ERBB4: variants seen among roughly 807,000 people sequenced by gnomAD.
The protein encoded by ERBB4 is erb-b2 receptor tyrosine kinase 4.
Under a neutral mutation model 158.0 loss-of-function variants are expected in ERBB4, and 42 were observed. The observed-to-expected ratio is 0.27, with a 90% confidence interval of 0.21 to 0.34. ERBB4 has a LOEUF of 0.34. Among genes scored for constraint, ERBB4 ranks in the 10% least tolerant of loss-of-function variants. ERBB4 has a pLI of 1.00. For missense variants in ERBB4, 1,333 were observed against 1,624.1 expected, an observed-to-expected ratio of 0.82 and a Z score of 3.08; for synonymous variants, 583 against 558.7, an observed-to-expected ratio of 1.04 and a Z score of -0.61.
chr2:211,929,181 G>T (rs909735578), intron 3 of ERBB4, among the ~76,000 whole-genome samples: 15 of 151,532 alleles, frequency 9.9e-5, no homozygotes, highest in Admixed American at 2.0e-4. Context: ...GCTGACTGTG[G>T]CAGGTATCTC....
chr2:212,045,162 C>T (rs992381932), intron 2 of ERBB4, among the ~76,000 whole-genome samples: 25 of 152,244 alleles, frequency 1.6e-4, no homozygotes, highest in African/African-American at 5.5e-4. Flanking sequence ...AAATATACTA[C>T]GTGAGAATAA....
intron 1 of ERBB4, among the ~76,000 whole-genome samples, chr2:212,459,187 C>A (rs1199653094): frequency 6.6e-6 from 1 of 151,878 alleles, no homozygotes; most frequent in Non-Finnish European, 1.5e-5. Flanking sequence ...TTAGTTTGTA[C>A]TCTTTGAGTT....
intron 1 of ERBB4, among the ~76,000 whole-genome samples, chr2:212,386,942 A>G (rs968787655): frequency 6.6e-6 from 1 of 152,108 alleles, no homozygotes; most frequent in African/African-American, 2.4e-5. Flanking sequence ...CATGGCTATA[A>G]TAGGTTCTTA....
intron 16 of ERBB4, among the ~76,000 whole-genome samples, chr2:211,643,166 T>C (rs1423419868): frequency 6.6e-6 from 1 of 152,104 alleles, no homozygotes; most frequent in East Asian, 1.9e-4. Context: ...CCTCAGTCTC[T>C]CTGCATCTTG....
intron 5 of ERBB4, among the ~76,000 whole-genome samples, chr2:211,740,260 T>C (rs1330622009): frequency 6.6e-6 from 1 of 152,152 alleles, no homozygotes; most frequent in African/African-American, 2.4e-5. Flanking sequence ...TTCAGTGAGA[T>C]AGTAATATAT....
intron 7 of ERBB4, among the ~76,000 whole-genome samples, chr2:211,716,720 C>A (rs200745888): frequency 0.02 from 2,977 of 150,192 alleles, 28 homozygotes; most frequent in South Asian, 0.038. Context: ...CAAAAAAAAA[C>A]AAAAAAAAAA....
At chr2:212,261,644 AG>A in intron 1 of ERBB4, among the ~76,000 whole-genome samples, 1 of 152,270 alleles carries the variant, frequency 6.6e-6, no homozygotes, top group South Asian at 2.1e-4. Context: ...ATAATTCATG[AG>A]GGATAAAAAG....
chr2:212,102,127 A>T (rs1163554100), intron 2 of ERBB4, among the ~76,000 whole-genome samples: 2 of 80,694 alleles, frequency 2.5e-5, no homozygotes, highest in Non-Finnish European at 6.8e-5. Flanking sequence ...AGGTCAGATC[A>T]ACTTGTTTTA....
chr2:211,469,113 C>G (rs1035069739), intron 20 of ERBB4, among the ~76,000 whole-genome samples: 1 of 151,924 alleles, frequency 6.6e-6, no homozygotes, highest in African/African-American at 2.4e-5. Context: ...AAACTCTGCT[C>G]GTAAGCCCCT....
chr2:212,353,104 T>A (rs78172498), intron 1 of ERBB4, among the ~76,000 whole-genome samples: 15,049 of 151,986 alleles, frequency 0.099, 874 homozygotes, highest in African/African-American at 0.13. Flanking sequence ...TTTTTCTGTG[T>A]CAAATGCAGC....
At chr2:211,416,675 C>CTAAT (rs1187181134) in intron 25 of ERBB4, among the ~76,000 whole-genome samples, 1 of 152,186 alleles carries the variant, frequency 6.6e-6, no homozygotes, top group African/African-American at 2.4e-5. Context: ...GGCAGCTTTC[C>CTAAT]TAATTTTTGT....
Position 212,280,279 on chromosome 2 carries a change from C to T in ERBB4, c.83-155376G>A, listed in dbSNP as rs1256929625. On this transcript the variant is annotated intron_variant, in intron 1 of 27. Coordinates refer to ENST00000342788, the MANE Select transcript of ERBB4 (RefSeq NM_005235.3). ...CATATTCATTAATTTTTTCCTGTAG[C>T]AACCAACATATTTTTAAGGCAAGAC... is the stretch of plus-strand genomic sequence containing the variant. Among the ~76,000 whole-genome samples, 3 of 151,510 alleles carry T rather than the reference C, an allele frequency of 2.0e-5. No homozygotes were observed. The Admixed American group carries it at 2.0e-4, about 10-fold the overall frequency.
chr2:211,785,749 TTTTAA>T (rs1358994411), intron 4 of ERBB4, among the ~76,000 whole-genome samples: 10 of 152,244 alleles, frequency 6.6e-5, no homozygotes, highest in South Asian at 4.1e-4. Context: ...CTGCTAATAT[TTTTAA>T]TTTAATGTAT....
At chr2:211,872,496 T>A (rs936082859) in intron 3 of ERBB4, among the ~76,000 whole-genome samples, 1 of 152,156 alleles carries the variant, frequency 6.6e-6, no homozygotes, top group Non-Finnish European at 1.5e-5. Flanking sequence ...GTTATATCTA[T>A]AAAATCCCCT....
chr2:211,934,789 AG>A (rs2080268400), intron 3 of ERBB4, among the ~76,000 whole-genome samples: 1 of 151,966 alleles, frequency 6.6e-6, no homozygotes, highest in African/African-American at 2.4e-5. Flanking sequence ...CTGTGTCTGT[AG>A]AAATAAGCTT....
At chr2:211,583,412 G>C (rs558763244) in intron 19 of ERBB4, among the ~76,000 whole-genome samples, 2 of 151,958 alleles carry the variant, frequency 1.3e-5, no homozygotes, top group East Asian at 3.9e-4. Context: ...CAAAATACTA[G>C]AGCCAAACAC....
chr2:212,218,506 G>C (rs543608172), intron 1 of ERBB4, among the ~76,000 whole-genome samples: 3 of 151,296 alleles, frequency 2.0e-5, no homozygotes, highest in Non-Finnish European at 4.4e-5. Context: ...GGCAAAGCCA[G>C]GCCATGTTCT....
chr2:212,169,633 T>G (rs961666529), intron 1 of ERBB4, among the ~76,000 whole-genome samples: 3 of 152,140 alleles, frequency 2.0e-5, no homozygotes, highest in Non-Finnish European at 2.9e-5. Flanking sequence ...GGTTTGGCTC[T>G]GTGTTACCAT....
intron 25 of ERBB4, among the ~76,000 whole-genome samples, chr2:211,418,684 T>A (rs1307134234): frequency 6.6e-6 from 1 of 151,750 alleles, no homozygotes; most frequent in East Asian, 1.9e-4. Flanking sequence ...GAAAAACTAT[T>A]TTTTTTTAAA....
Sources: allele counts gnomAD v4.1 joint callset (sites outside exome capture counted in the v4.1 genomes callset), GRCh38; gene constraint gnomAD v4.1.1; transcripts MANE v1.5; gene names NCBI Gene and HGNC (gene_info 2026-07-23, HGNC 2026-07-21).